RBMS1: variants seen among roughly 807,000 people sequenced by gnomAD.
RBMS1 encodes RNA-binding motif, single-stranded-interacting protein 1.
RBMS1 carries 17 observed loss-of-function variants against 62.3 expected under a neutral mutation model. The observed-to-expected ratio is 0.27, with a 90% CI of 0.19 to 0.41. The LOEUF (loss-of-function observed/expected upper bound fraction) is 0.41, where lower values mean the gene tolerates loss of function less well. Among genes scored for constraint, RBMS1 ranks in the 10% least tolerant of loss-of-function variants. RBMS1 has a pLI of 1.00. For synonymous variants in RBMS1, 172 were observed against 170.0 expected (o/e 1.01, Z -0.09); for missense variants, 334 against 504.5 (o/e 0.66, Z 3.24).
intron 6 of RBMS1, among the ~76,000 whole-genome samples, chr2:160,295,867 T>C (rs1309009999): frequency 6.6e-6 from 1 of 152,240 alleles, no homozygotes; most frequent in Non-Finnish European, 1.5e-5. Context: ...TGATACACCA[T>C]CAAAACAAAA....
chr2:160,349,026 T>G (rs902071286), intron 2 of RBMS1, among the ~76,000 whole-genome samples: 2 of 152,286 alleles, frequency 1.3e-5, no homozygotes, highest in South Asian at 2.1e-4. Context: ...TTTCTCCTTT[T>G]TTGGATCACA....
chr2:160,380,610 T>C (rs998364453), intron 1 of RBMS1, among the ~76,000 whole-genome samples: 5 of 152,228 alleles, frequency 3.3e-5, no homozygotes, highest in Non-Finnish European at 5.9e-5. Context: ...AGTCTTCGGA[T>C]CTAACAGTTT....
chr2:160,322,581 T>C (rs1322610977), intron 2 of RBMS1, among the ~76,000 whole-genome samples: 1 of 152,230 alleles, frequency 6.6e-6, no homozygotes, highest in African/African-American at 2.4e-5. Flanking sequence ...GATTCCACTC[T>C]GTCTGTGGGG....
chr2:160,310,579 T>C (rs929345448), intron 4 of RBMS1, among the ~76,000 whole-genome samples: 1 of 152,146 alleles, frequency 6.6e-6, no homozygotes, highest in Non-Finnish European at 1.5e-5. Context: ...GGGAACTTCT[T>C]GAAATAACGA....
intron 1 of RBMS1, among the ~76,000 whole-genome samples, chr2:160,410,900 C>A (rs944667743): frequency 6.6e-6 from 1 of 152,196 alleles, no homozygotes; most frequent in South Asian, 2.1e-4. Context: ...TGTGCCACCA[C>A]GCCTGTCTAA....
chr2:160,454,770 G>T (rs1684149314), intron 1 of RBMS1, among the ~76,000 whole-genome samples: 1 of 152,186 alleles, frequency 6.6e-6, no homozygotes, highest in African/African-American at 2.4e-5. Context: ...TTAGGTAGTG[G>T]GGGTGGGGCT....
intron 1 of RBMS1, among the ~76,000 whole-genome samples, chr2:160,484,020 T>C (rs1423821921): frequency 8.7e-6 from 1 of 114,518 alleles, no homozygotes; most frequent in African/African-American, 3.1e-5. Context: ...TTTTTTTTTT[T>C]AAGAGACGGT....
At chr2:160,308,073 T>G (rs1689636796) in intron 4 of RBMS1, among the ~76,000 whole-genome samples, 1 of 152,172 alleles carries the variant, frequency 6.6e-6, no homozygotes, top group Admixed American at 6.5e-5. Flanking sequence ...ACGGGTACCC[T>G]CCCTATCACC....
At chr2:160,278,191 C>A in intron 11 of RBMS1, 2 of 248,944 alleles carry the variant, frequency 8.0e-6, no homozygotes, top group South Asian at 4.6e-5. Context: ...AAGAAATAAG[C>A]GAGAAATAAT....
intron 2 of RBMS1, among the ~76,000 whole-genome samples, chr2:160,360,485 C>G (rs767494989): frequency 3.3e-5 from 5 of 152,152 alleles, no homozygotes; most frequent in Non-Finnish European, 7.4e-5. Flanking sequence ...CTGTCTTAGT[C>G]AAGATGCTAA....
intron 1 of RBMS1, among the ~76,000 whole-genome samples, chr2:160,440,135 CAG>C (rs1293560139): frequency 8.7e-4 from 31 of 35,830 alleles, no homozygotes; most frequent in Admixed American, 5.3e-3. Context: ...TTCCCTGAGA[CAG>C]AGTCTCTGTT....
chr2:160,400,337 A>T (rs956666839), intron 1 of RBMS1, among the ~76,000 whole-genome samples: 2 of 135,950 alleles, frequency 1.5e-5, no homozygotes, highest in Admixed American at 1.4e-4. Context: ...AAACGAAAGA[A>T]ACAAAATGAA....
Position 160,376,453 on chromosome 2 carries a change from C to T in RBMS1, c.76-9062G>A, listed in dbSNP as rs900211147. Reference sequence around the variant, plus strand: ...ACAATGTTGTAATTTTGTGTATAAACATCACTGAGAAAATTTTTTGAATTA... The same window carrying T: ...ACAATGTTGTAATTTTGTGTATAAATATCACTGAGAAAATTTTTTGAATTA... On this transcript the variant is annotated intron_variant, in intron 1 of 13. Coordinates refer to ENST00000348849, the MANE Select transcript of RBMS1 (RefSeq NM_016836.4). Among the ~76,000 whole-genome samples, 16 of 152,180 alleles carry T rather than the reference C, an allele frequency of 1.1e-4. No individual in the cohort carries two copies. In the South Asian group the frequency reaches 3.3e-3, roughly 32 times the overall value.
At chr2:160,294,792 TCTAC>T (rs1302785882) in intron 6 of RBMS1, among the ~76,000 whole-genome samples, 1 of 152,168 alleles carries the variant, frequency 6.6e-6, no homozygotes, top group Non-Finnish European at 1.5e-5. Context: ...AAATGTTATG[TCTAC>T]CTATCAATGA....
intron 2 of RBMS1, among the ~76,000 whole-genome samples, chr2:160,343,712 C>G (rs1224717084): frequency 6.6e-6 from 1 of 152,136 alleles, no homozygotes; most frequent in African/African-American, 2.4e-5. Context: ...TTTTATAGCA[C>G]TTGTTCTGCC....
At chr2:160,448,443 C>T (rs919532511) in intron 1 of RBMS1, among the ~76,000 whole-genome samples, 15 of 152,316 alleles carry the variant, frequency 9.8e-5, no homozygotes, top group Admixed American at 9.1e-4. Context: ...TGCAGGCGCG[C>T]GCAGCCACGC....
rs1160926525 is a variant in RBMS1 at position 160,274,542 on chromosome 2, T to C, written c.*230A>G. The stretch of plus-strand genomic sequence containing the variant: ...TTGTTTTTTGTTTTTTTTTTTTTAC[T>C]AAAATAAACCTGTTCGGGGGAACAG... On this transcript the variant is annotated 3_prime_UTR_variant, in exon 14 of 14. Transcript: ENST00000348849. 2 of 149,754 alleles carry C rather than the reference T, an allele frequency of 1.3e-5. No individual in the cohort carries two copies. The highest frequency in any genetic ancestry group is 3.0e-5 in the Non-Finnish European group (2 of 67,458). The allele number at this position is 149,754 out of a possible 1,614,324, so 9.3% of individuals were successfully genotyped here.
chr2:160,406,260 G>A (rs530440664), intron 1 of RBMS1, among the ~76,000 whole-genome samples: 3 of 152,160 alleles, frequency 2.0e-5, no homozygotes, highest in South Asian at 4.1e-4. Flanking sequence ...ATTTCTTTTC[G>A]ACACTGCCAA....
intron 1 of RBMS1, among the ~76,000 whole-genome samples, chr2:160,402,883 G>T (rs1695510775): frequency 6.6e-6 from 1 of 152,106 alleles, no homozygotes; most frequent in African/African-American, 2.4e-5. Flanking sequence ...TATTTATTGG[G>T]TGAGTACTTT....
Sources: gnomAD v4.1 joint callset for allele counts (sites outside exome capture counted in the v4.1 genomes callset) on GRCh38, gnomAD v4.1.1 for gene constraint, MANE v1.5 for transcripts, NCBI Gene and HGNC (gene_info 2026-07-23, HGNC 2026-07-21) for gene names.